NRDC: variants seen among roughly 807,000 people sequenced by gnomAD.
The protein encoded by NRDC is nardilysin convertase, also known as nardilysin.
A neutral mutation model predicts 147.1 loss-of-function variants in NRDC; 54 were observed. The observed-to-expected ratio is 0.37, with a 90% CI of 0.29 to 0.46. The LOEUF is 0.46. Among genes scored for constraint, NRDC ranks in the 20% least tolerant of loss-of-function variants. The pLI is 1.00. For missense variants in NRDC, 1,082 were observed against 1,370.6 expected (o/e 0.79, Z 3.33); for synonymous variants, 440 against 482.1 (o/e 0.91, Z 1.14).
Position 51,840,516 on chromosome 1 carries a change from T to TG in NRDC, c.342-3dup, listed in dbSNP as rs761769371. On this transcript the variant is annotated splice_region_variant and splice_polypyrimidine_tract_variant and intron_variant, in intron 1 of 30. Transcript: ENST00000352171. ...AAGCCATTCTGTAATTTGATGTATCTGGGGGGAGAAAAAAAAAATCACACA... is the reference window on the plus strand; with the variant it reads ...AAGCCATTCTGTAATTTGATGTATCTGGGGGGGAGAAAAAAAAAATCACACA... 6 of 1,571,726 alleles carry TG rather than the reference T, an allele frequency of 3.8e-6. No individual in the cohort carries two copies. Among genetic ancestry groups the TG allele is most frequent in the Non-Finnish European group, 5.2e-6 (6 of 1,163,016 alleles).
intron 18 of NRDC, among the ~76,000 whole-genome samples, chr1:51,805,964 CA>C (rs1037195105): frequency 2.2e-4 from 33 of 151,884 alleles, no homozygotes; most frequent in African/African-American, 7.2e-4. Context: ...ATAAGCTATT[CA>C]AAAAAAATTA....
chr1:51,844,570 G>T (rs1681439895), intron 1 of NRDC, among the ~76,000 whole-genome samples: 1 of 151,396 alleles, frequency 6.6e-6, no homozygotes, highest in Non-Finnish European at 1.5e-5. Flanking sequence ...GTGAAACCCC[G>T]TCTCTACTAA....
chr1:51,820,070 A>G (rs1680145081), intron 8 of NRDC, among the ~76,000 whole-genome samples, 197 bp from the exon 9 acceptor site: 1 of 152,178 alleles, frequency 6.6e-6, no homozygotes. Flanking sequence ...CCTCAGCCCA[A>G]TAACTCAAAA....
intron 1 of NRDC, among the ~76,000 whole-genome samples, chr1:51,841,339 A>T (rs1014329365): frequency 6.6e-6 from 1 of 151,948 alleles, no homozygotes; most frequent in African/African-American, 2.4e-5. Flanking sequence ...ACAAGGTCTC[A>T]CTCTGTTGTG....
At chr1:51,823,577 A>G (rs1680306460) in intron 7 of NRDC, 87 bp downstream of exon 7, 2 of 953,540 alleles carry the variant, frequency 2.1e-6, no homozygotes, top group Admixed American at 2.7e-5. Flanking sequence ...AAAGTAATTA[A>G]TAGTACACTA....
chr1:51,870,519 G>A (rs918671673), intron 1 of NRDC, among the ~76,000 whole-genome samples: 2 of 152,048 alleles, frequency 1.3e-5, no homozygotes, highest in African/African-American at 2.4e-5. Context: ...CACACTCAAG[G>A]CTTCCCCTAT....
intron 1 of NRDC, among the ~76,000 whole-genome samples, chr1:51,869,020 A>T (rs1179172540): frequency 1.3e-5 from 2 of 152,086 alleles, no homozygotes; most frequent in African/African-American, 4.8e-5. Context: ...GCTCACTACA[A>T]CCTCAAACTC....
At chr1:51,876,755 T>C (rs1890946) in intron 1 of NRDC, among the ~76,000 whole-genome samples, 77,940 of 152,130 alleles carry the variant, frequency 0.51, 21,234 homozygotes, top group East Asian at 0.93. Flanking sequence ...GAGCTAAGTG[T>C]CATCTGTCAA....
At chr1:51,793,092 G>A (rs181497698) in intron 24 of NRDC, among the ~76,000 whole-genome samples, 99 of 152,316 alleles carry the variant, frequency 6.5e-4, no homozygotes, top group African/African-American at 2.0e-3. Context: ...GCCCTTGCAA[G>A]ACCTGATTAG....
rs574688937 is a variant in NRDC, at chr1:51,814,750, A to G, written c.1503T>C (p.Tyr501=). The G allele has an allele frequency of 2.0e-5, 33 of 1,612,072 alleles. No individual in the cohort carries two copies. The East Asian group carries it at 6.9e-4, about 34-fold the overall frequency. Residue 501 remains tyrosine (Y), a synonymous_variant, in exon 12 of 31, where the codon TAT becomes TAC. Coordinates refer to ENST00000352171, the MANE Select transcript of NRDC (RefSeq NM_001101662.2). ...GETGFEQNST[Y]SVFSISITLT... ...ATGTAATAGAAATGCTGAACACTGAATAAGTAGAATTTTGCTCAAATCCTG... is the reference window on the plus strand; with the variant it reads ...ATGTAATAGAAATGCTGAACACTGAGTAAGTAGAATTTTGCTCAAATCCTG...
chr1:51,815,659 ATG>A (rs1679936725), intron 11 of NRDC, among the ~76,000 whole-genome samples: 1 of 151,828 alleles, frequency 6.6e-6, no homozygotes. Flanking sequence ...TTTTCTTTGA[ATG>A]TTCTAGTACA....
intron 1 of NRDC, among the ~76,000 whole-genome samples, chr1:51,858,825 T>C (rs1479486095): frequency 6.6e-6 from 1 of 152,206 alleles, no homozygotes; most frequent in Non-Finnish European, 1.5e-5. Context: ...CCTGAAACTC[T>C]TCTGTAAAAG....
chr1:51,852,938 T>A (rs1327894705), intron 1 of NRDC, among the ~76,000 whole-genome samples: 1 of 151,968 alleles, frequency 6.6e-6, no homozygotes, highest in East Asian at 1.9e-4. Context: ...ATAAAAGAAT[T>A]CCTGGCCAGG....
chr1:51,848,790 TA>T (rs761535340), intron 1 of NRDC, among the ~76,000 whole-genome samples: 6 of 152,226 alleles, frequency 3.9e-5, no homozygotes, highest in Non-Finnish European at 7.3e-5. Context: ...TTAACCCAGT[TA>T]ATCTTCACAA....
chr1:51,842,935 G>A (rs935820656), intron 1 of NRDC, among the ~76,000 whole-genome samples: 7 of 151,932 alleles, frequency 4.6e-5, no homozygotes, highest in African/African-American at 1.5e-4. Context: ...TAGGCATGGT[G>A]TATCTATGGT....
In NRDC at chr1:51,814,799, G is replaced by A. The variant is rs768282290; in HGVS notation, c.1454C>T (p.Ala485Val). 1 of 1,598,794 alleles carries A rather than the reference G, an allele frequency of 6.3e-7. No individual in the cohort carries two copies. The change falls in exon 12 of 31, where the codon GCA becomes GTA. Residue 485 changes from alanine to valine, a missense_variant. By Grantham distance (64) the Ala-to-Val change is moderately conservative (BLOSUM62 0). Coordinates refer to ENST00000352171, the MANE Select transcript of NRDC (RefSeq NM_001101662.2). Reference sequence around the variant, plus strand: ...TGTCTCACCATTTCCACCAAACAGTGCAAGAGCCCAGCATCTACAGGTGGG... The same window carrying A: ...TGTCTCACCATTTCCACCAAACAGTACAAGAGCCCAGCATCTACAGGTGGG... ...SFLRKKCWAL[A>V]LFGGNGETGF...
In NRDC at chr1:51,791,608, A is replaced by T. The variant is rs749882439; in HGVS notation, c.2930T>A (p.Val977Asp). The T allele has an allele frequency of 6.2e-7, 1 of 1,613,914 alleles. No homozygotes were observed. The highest frequency in any genetic ancestry group is 8.5e-7 in the Non-Finnish European group (1 of 1,179,786). The change falls in exon 27 of 31, where the codon GTC (valine) becomes GAC (aspartate). Residue 977 changes from valine (V) to aspartate (D), a missense_variant. Coordinates refer to ENST00000352171, the MANE Select transcript of NRDC (RefSeq NM_001101662.2). The part of the protein sequence containing the change: ...RNTSGILGFS[V>D]TVGTQATKYN... ...TTTGGTTGCCTGAGTCCCCACAGTG[A>T]CAGAAAATCCTAGAATCCCGGATGT...
At chr1:51,847,917 C>G (rs1039650738) in intron 1 of NRDC, among the ~76,000 whole-genome samples, 1 of 152,244 alleles carries the variant, frequency 6.6e-6, no homozygotes. Context: ...GCTGCCAGCA[C>G]GCTGTCACCT....
chr1:51,842,239 T>G (rs1007256477), intron 1 of NRDC, among the ~76,000 whole-genome samples: 1 of 151,896 alleles, frequency 6.6e-6, no homozygotes, highest in African/African-American at 2.4e-5. Flanking sequence ...TGGTTTTTTT[T>G]TTTTTGGTTT....
Sources: gnomAD v4.1 joint callset for allele counts (sites outside exome capture counted in the v4.1 genomes callset) on GRCh38, gnomAD v4.1.1 for gene constraint, MANE v1.5 for transcripts, NCBI Gene and HGNC (gene_info 2026-07-23, HGNC 2026-07-21) for gene names.